The following KIF26B variants were observed in gnomAD, a reference collection of about 807,000 sequenced individuals.
KIF26B encodes kinesin-like protein KIF26B.
In KIF26B, 63 loss-of-function variants were observed where a neutral mutation model predicts 151.2. That is an observed-to-expected ratio of 0.42 (90% CI 0.34 to 0.51). KIF26B has a LOEUF of 0.51. Ranked by LOEUF, KIF26B falls within the 20% of genes least tolerant of loss-of-function variation. KIF26B has a pLI of 0.07. For missense variants in KIF26B, 2,813 were observed against 2,913.6 expected (o/e 0.97, Z 0.79); for synonymous variants, 1,357 against 1,262.1 (o/e 1.08, Z -1.59).
intron 9 of KIF26B, among the ~76,000 whole-genome samples, chr1:245,642,357 T>A (rs1315481099): frequency 6.6e-6 from 1 of 152,050 alleles, no homozygotes; most frequent in Non-Finnish European, 1.5e-5. Context: ...TGGAGTAGTT[T>A]CTTGCCCATA....
intron 4 of KIF26B, among the ~76,000 whole-genome samples, chr1:245,503,961 T>C (rs1241642816): frequency 1.3e-5 from 2 of 152,194 alleles, no homozygotes; most frequent in Non-Finnish European, 2.9e-5. Context: ...TCCTGAGTGT[T>C]CTGATGCAGC....
At chr1:245,690,253 C>T (rs1044479396) in intron 12 of KIF26B, among the ~76,000 whole-genome samples, 6 of 152,210 alleles carry the variant, frequency 3.9e-5, no homozygotes, top group Admixed American at 1.3e-4. Context: ...CCAGGGCGGC[C>T]GGGTTCCTGC....
chr1:245,195,972 A>T (rs1313989499), intron 2 of KIF26B, among the ~76,000 whole-genome samples: 2 of 152,166 alleles, frequency 1.3e-5, no homozygotes, highest in Non-Finnish European at 2.9e-5. Context: ...ATCAAAGTGG[A>T]AAAAGGAGGG....
intron 2 of KIF26B, among the ~76,000 whole-genome samples, chr1:245,295,464 T>G (rs1340000105): frequency 1.3e-5 from 2 of 152,208 alleles, no homozygotes; most frequent in Non-Finnish European, 1.5e-5. Flanking sequence ...GTCCGTATCA[T>G]GGGTTCCTGT....
At chr1:245,603,309 G>A (rs991244822) in intron 6 of KIF26B, among the ~76,000 whole-genome samples, 8 of 152,180 alleles carry the variant, frequency 5.3e-5, no homozygotes, top group Non-Finnish European at 1.0e-4. Flanking sequence ...TCAGTGGAGT[G>A]AAGGGGAAGA....
At chr1:245,619,929 A>G (rs915033349) in intron 9 of KIF26B, among the ~76,000 whole-genome samples, 2 of 151,798 alleles carry the variant, frequency 1.3e-5, no homozygotes, top group African/African-American at 4.8e-5. Flanking sequence ...AAAAAATGAA[A>G]AATAAAATAA....
rs566601408 is a variant in KIF26B, at chr1:245,477,421, G to A, written c.1166+57676G>A. Among the ~76,000 whole-genome samples, 3 of 151,904 alleles carry A rather than the reference G, an allele frequency of 2.0e-5. No homozygotes were observed. The South Asian group carries it at 6.3e-4, about 32-fold the overall frequency. On this transcript the variant is annotated intron_variant, in intron 4 of 14. Coordinates refer to ENST00000407071, the MANE Select transcript of KIF26B (RefSeq NM_018012.4). ...TAGATCCTGGTGGGGGTGGGGGATA[G>A]GAAGGGGCAGAGACAGATCATCCAC...
chr1:245,601,674 A>T lies in KIF26B; in HGVS notation c.1351-903A>T, dbSNP rs1289400104. Among the ~76,000 whole-genome samples the T allele has an allele frequency of 6.6e-6, 1 of 152,194 alleles. No individual in the cohort carries two copies. The highest frequency in any genetic ancestry group is 2.4e-5 in the African/African-American group (1 of 41,458). On this transcript the variant is annotated intron_variant, in intron 5 of 14. Coordinates refer to ENST00000407071, the MANE Select transcript of KIF26B (RefSeq NM_018012.4). This position sits in a 1 kb window ranked among gnomAD's most constrained non-coding sequence, Gnocchi z 4.4. ...CCAGCACATAGTAGGTGCTCAAAAA[A>T]AGTGCCCATCATTTGTTGGACTGAA...
intron 2 of KIF26B, among the ~76,000 whole-genome samples, chr1:245,339,267 C>T (rs113150039): frequency 0.011 from 1,646 of 152,274 alleles, 25 homozygotes; most frequent in African/African-American, 0.036. Flanking sequence ...CATGAGCCAC[C>T]GCACCCGGCC....
At chr1:245,674,326 A>T (rs1187416655) in intron 10 of KIF26B, among the ~76,000 whole-genome samples, 3 of 152,204 alleles carry the variant, frequency 2.0e-5, no homozygotes. Context: ...ACTTCAGACA[A>T]TGTGAAACAT....
intron 4 of KIF26B, among the ~76,000 whole-genome samples, chr1:245,421,821 AG>A (rs1356304428): frequency 2.0e-5 from 3 of 152,068 alleles, no homozygotes; most frequent in Non-Finnish European, 4.4e-5. Context: ...TGTGGAAATG[AG>A]GGGGGCCTGG....
At chr1:245,355,571 G>A (rs1296718446) in intron 2 of KIF26B, among the ~76,000 whole-genome samples, 4 of 149,738 alleles carry the variant, frequency 2.7e-5, no homozygotes, top group Non-Finnish European at 4.4e-5. Flanking sequence ...ATTTCAGCCT[G>A]GGCAACACAG....
chr1:245,210,823 G>A (rs1262351943), intron 2 of KIF26B, among the ~76,000 whole-genome samples: 2 of 152,124 alleles, frequency 1.3e-5, no homozygotes, highest in South Asian at 2.1e-4. Flanking sequence ...AGGGCTGTTC[G>A]GAGCATCCAG....
At chr1:245,208,594 G>C (rs918751269) in intron 2 of KIF26B, among the ~76,000 whole-genome samples, 2 of 152,190 alleles carry the variant, frequency 1.3e-5, no homozygotes, top group African/African-American at 4.8e-5. Flanking sequence ...TGGAGGCCTG[G>C]GGAGGCAAGC....
chr1:245,212,631 T>G (rs1004012902), intron 2 of KIF26B, among the ~76,000 whole-genome samples: 2 of 152,186 alleles, frequency 1.3e-5, no homozygotes, highest in Admixed American at 6.5e-5. Context: ...TCCGTTTGCC[T>G]GCCGGCATGA....
rs546617488 is a variant in KIF26B, at chr1:245,291,702, A to G, written c.466-75132A>G. Among the ~76,000 whole-genome samples the G allele has an allele frequency of 5.3e-5, 8 of 152,340 alleles. No individual in the cohort carries two copies. In the East Asian group the frequency reaches 1.5e-3, roughly 29 times the overall value. On this transcript the variant is annotated intron_variant, in intron 2 of 14. Coordinates refer to ENST00000407071, the MANE Select transcript of KIF26B (RefSeq NM_018012.4). ...AACTACGAAATGGATGTTTGACTAG[A>G]AACAGGTAACAGAGGGGACCTGCCT...
At chr1:245,198,342 A>G (rs537803650) in intron 2 of KIF26B, among the ~76,000 whole-genome samples, 1 of 152,354 alleles carries the variant, frequency 6.6e-6, no homozygotes, top group African/African-American at 2.4e-5. Context: ...TAAAATGGGA[A>G]TGATAAAAGC....
chr1:245,208,015 C>T (rs750426741), intron 2 of KIF26B, among the ~76,000 whole-genome samples: 19 of 152,314 alleles, frequency 1.2e-4, no homozygotes, highest in Non-Finnish European at 2.4e-4. Context: ...CGAGCCCTAC[C>T]TTGGAGAGAC....
At chr1:245,323,802 C>T (rs964942952) in intron 2 of KIF26B, among the ~76,000 whole-genome samples, 7 of 152,224 alleles carry the variant, frequency 4.6e-5, no homozygotes, top group African/African-American at 1.7e-4. Context: ...TCAAGGACAT[C>T]CAGCTGTACG....
Sources: gnomAD v4.1 joint callset for allele counts (sites outside exome capture counted in the v4.1 genomes callset) on GRCh38, gnomAD v4.1.1 for gene constraint, Gnocchi (gnomAD v3.1) non-coding constraint, MANE v1.5 for transcripts, NCBI Gene and HGNC (gene_info 2026-07-23, HGNC 2026-07-21) for gene names.